LDB2: variants seen among roughly 807,000 people sequenced by gnomAD.
The protein encoded by LDB2 is LIM domain binding 2.
In LDB2, 12 loss-of-function variants were observed where a neutral mutation model predicts 44.3. The observed-to-expected ratio is 0.27, with a 90% CI of 0.17 to 0.44. The LOEUF is 0.44. LDB2 is among the 20% of genes least tolerant of loss of function. The probability of loss-of-function intolerance (pLI) is 1.00; values close to 1 mark genes in which losing one functional copy is unlikely to be tolerated. For missense variants in LDB2, 344 were observed against 473.5 expected, an observed-to-expected ratio of 0.73 and a Z score of 2.54; for synonymous variants, 164 against 174.8, an observed-to-expected ratio of 0.94 and a Z score of 0.49.
chr4:16,844,915 G>A (rs1185566797), intron 1 of LDB2, among the ~76,000 whole-genome samples: 1 of 152,180 alleles, frequency 6.6e-6, no homozygotes, highest in Non-Finnish European at 1.5e-5. Flanking sequence ...TGGTTAAAAG[G>A]TACAAGAGGG....
At chr4:16,850,350 G>A (rs139320886) in intron 1 of LDB2, among the ~76,000 whole-genome samples, 1 of 151,962 alleles carries the variant, frequency 6.6e-6, no homozygotes, top group African/African-American at 2.4e-5. Context: ...CTTAGCTGAG[G>A]TTCAATTTCC....
rs781025834 is a variant in LDB2, at chr4:16,898,432, A to G, written c.54T>C (p.Tyr18=). 4 of 1,613,756 alleles carry G rather than the reference A, an allele frequency of 2.5e-6. No homozygotes were observed. Among genetic ancestry groups the G allele is most frequent in the East Asian group, 2.2e-5 (1 of 44,798 alleles). ...PFYSSPFGPF[Y]RRHTPYMVQP... ...GTACCATGTATGGTGTATGCCTCCTATAAAATGGGCCGAAAGGAGAAGAAT... is the reference window on the plus strand; with the variant it reads ...GTACCATGTATGGTGTATGCCTCCTGTAAAATGGGCCGAAAGGAGAAGAAT... The change falls in exon 1 of 8, where the codon TAT becomes TAC. Residue 18 remains tyrosine, a synonymous_variant. Transcript: ENST00000304523.
At chr4:16,620,040 T>G (rs1728446250) in intron 2 of LDB2, among the ~76,000 whole-genome samples, 1 of 152,224 alleles carries the variant, frequency 6.6e-6, no homozygotes, top group African/African-American at 2.4e-5. Flanking sequence ...GTCAGAAGCA[T>G]GCTTTCTCCG....
chr4:16,538,231 A>C (rs1227776845), intron 5 of LDB2, among the ~76,000 whole-genome samples: 1 of 152,126 alleles, frequency 6.6e-6, no homozygotes, highest in Non-Finnish European at 1.5e-5. Context: ...GCAGAACAAC[A>C]AGCCCTGTTT....
At chr4:16,699,578 T>C (rs996398580) in intron 2 of LDB2, among the ~76,000 whole-genome samples, 4 of 152,166 alleles carry the variant, frequency 2.6e-5, no homozygotes, top group African/African-American at 9.7e-5. Context: ...GGAGAATATG[T>C]GAGGTGGAGA....
intron 1 of LDB2, among the ~76,000 whole-genome samples, chr4:16,870,608 A>G (rs1241464297): frequency 1.1e-4 from 16 of 149,994 alleles, no homozygotes; most frequent in Admixed American, 1.0e-3. Flanking sequence ...TACCCACAAC[A>G]CTCACTTCCT....
chr4:16,842,253 G>T (rs1407799693), intron 1 of LDB2, among the ~76,000 whole-genome samples: 3 of 152,158 alleles, frequency 2.0e-5, no homozygotes, highest in African/African-American at 7.2e-5. Flanking sequence ...GCAAATTACA[G>T]TGGTTTCCTG....
chr4:16,891,305 T>C (rs1468085902), intron 1 of LDB2, among the ~76,000 whole-genome samples: 22 of 47,580 alleles, frequency 4.6e-4, no homozygotes, highest in Non-Finnish European at 7.8e-4. Flanking sequence ...TTAAGTATTC[T>C]TTTTTTTTTT....
chr4:16,871,364 A>G (rs1339187613), intron 1 of LDB2, among the ~76,000 whole-genome samples: 2 of 151,710 alleles, frequency 1.3e-5, no homozygotes, highest in African/African-American at 2.4e-5. Flanking sequence ...TAGATTTAAG[A>G]AAGTGATGCA....
chr4:16,524,089 G>A (rs1004539837), intron 5 of LDB2, among the ~76,000 whole-genome samples: 1 of 152,122 alleles, frequency 6.6e-6, no homozygotes, highest in East Asian at 1.9e-4. Flanking sequence ...ATAGGGATGC[G>A]GTAGGATGGA....
intron 1 of LDB2, among the ~76,000 whole-genome samples, chr4:16,837,373 A>C (rs73799298): frequency 0.014 from 2,150 of 152,320 alleles, 44 homozygotes; most frequent in African/African-American, 0.048. Flanking sequence ...ATAATAACTT[A>C]TTATTTAGGT....
intron 1 of LDB2, among the ~76,000 whole-genome samples, chr4:16,812,409 A>C (rs207689): frequency 0.77 from 117,236 of 151,732 alleles, 47,802 homozygotes; most frequent in Middle Eastern, 0.93. Context: ...AAGTTTTAAC[A>C]TACGGTTGCT....
chr4:16,598,698 A>G (rs994054932), intron 2 of LDB2, among the ~76,000 whole-genome samples: 2 of 152,108 alleles, frequency 1.3e-5, no homozygotes, highest in African/African-American at 2.4e-5. Flanking sequence ...AAGTTTTGCC[A>G]GGAAAAACTT....
chr4:16,604,332 T>C (rs1476357975), intron 2 of LDB2, among the ~76,000 whole-genome samples: 1 of 152,100 alleles, frequency 6.6e-6, no homozygotes, highest in Non-Finnish European at 1.5e-5. Context: ...TTTTGGGGAA[T>C]GTTTTAAAAA....
chr4:16,584,770 A>G (rs11727242), intron 5 of LDB2, among the ~76,000 whole-genome samples: 16,762 of 152,266 alleles, frequency 0.11, 1,019 homozygotes, highest in African/African-American at 0.14. Flanking sequence ...CTTGACCACA[A>G]GGTGAAAGTC....
At chr4:16,829,761 A>G (rs181203005) in intron 1 of LDB2, among the ~76,000 whole-genome samples, 146 of 152,218 alleles carry the variant, frequency 9.6e-4, no homozygotes, top group African/African-American at 3.3e-3. Context: ...ATTTTTTTGG[A>G]GTGGCAGATG....
chr4:16,865,174 G>C (rs538845038), intron 1 of LDB2, among the ~76,000 whole-genome samples: 2 of 152,074 alleles, frequency 1.3e-5, no homozygotes, highest in Admixed American at 1.3e-4. Context: ...ATCACTTGAA[G>C]CTTGGGGGTG....
At chr4:16,612,824 A>G (rs1045906043) in intron 2 of LDB2, among the ~76,000 whole-genome samples, 12 of 152,224 alleles carry the variant, frequency 7.9e-5, no homozygotes, top group Non-Finnish European at 1.5e-4. Flanking sequence ...ACAGCTGAAA[A>G]GGAGGGATCC....
chr4:16,508,556 C>G lies in LDB2; in HGVS notation c.870G>C (p.Leu290=). The change falls in exon 7 of 8, where the codon CTG becomes CTC. Residue 290 remains leucine (L), a synonymous_variant. Transcript: ENST00000304523. ...TTACAGGTACCTGACTGGACAGACTCAGGTTTGCAGCTGTGGTCTTCTTCT... is the reference window on the plus strand; with the variant it reads ...TTACAGGTACCTGACTGGACAGACTGAGGTTTGCAGCTGTGGTCTTCTTCT... The part of the protein sequence containing the change: ...GSKKKTTAAN[L]SLSSQVPDVM... The G allele has an allele frequency of 6.2e-7, 1 of 1,601,584 alleles. No homozygotes were observed. Among genetic ancestry groups the G allele is most frequent in the Non-Finnish European group, 8.5e-7 (1 of 1,173,194 alleles).
Sources: allele counts gnomAD v4.1 joint callset (sites outside exome capture counted in the v4.1 genomes callset), GRCh38; gene constraint gnomAD v4.1.1; transcripts MANE v1.5; gene names NCBI Gene and HGNC (gene_info 2026-07-23, HGNC 2026-07-21).